The following MACF1 variants were observed in gnomAD, a reference collection of about 807,000 sequenced individuals.
MACF1 encodes the protein microtubule-actin cross-linking factor 1.
A neutral mutation model predicts 854.8 loss-of-function variants in MACF1; 193 were observed. The observed-to-expected ratio is 0.23, with a 90% confidence interval of 0.20 to 0.25. The LOEUF is 0.25. Ranked by LOEUF, MACF1 falls within the 10% of genes least tolerant of loss-of-function variation. The pLI, the probability that MACF1 is intolerant of heterozygous loss-of-function variation, is 1.00. For missense variants in MACF1, 7,722 were observed against 8,929.1 expected (o/e 0.86, Z 5.45); for synonymous variants, 3,185 against 3,226.7 (o/e 0.99, Z 0.44).
intron 52 of MACF1, chr1:39,373,072 C>T (rs541522085): frequency 3.0e-5 from 5 of 164,114 alleles, no homozygotes; most frequent in Admixed American, 1.3e-4. Context: ...TTTGGGAGGC[C>T]AAGGCAGGCG....
At chr1:39,199,070 C>T (rs1412851779) in intron 2 of MACF1, among the ~76,000 whole-genome samples, 1 of 151,964 alleles carries the variant, frequency 6.6e-6, no homozygotes, top group Non-Finnish European at 1.5e-5. Flanking sequence ...ACTGCAAGCT[C>T]TGCCTACCAG....
chr1:39,417,509 T>C (rs1423693034), intron 58 of MACF1, among the ~76,000 whole-genome samples: 1 of 152,008 alleles, frequency 6.6e-6, no homozygotes, highest in East Asian at 1.9e-4. Flanking sequence ...CTAACACCGT[T>C]TGTGTACAAG....
At chr1:39,361,910 A>G (rs2148520042) in intron 49 of MACF1, among the ~76,000 whole-genome samples, 1 of 152,314 alleles carries the variant, frequency 6.6e-6, no homozygotes, top group African/African-American at 2.4e-5. Context: ...CAGCAGGGCC[A>G]CTCAGTTCAT....
At position 39,204,898 on chromosome 1, in the gene MACF1, A is replaced by G; in HGVS notation, c.-125A>G. On this transcript the variant is annotated 5_prime_UTR_variant, in exon 1 of 101. Transcript: ENST00000564288. ...AGAAGCTGCCAGGAAGTTTCTGACA[A>G]CACTAAGCTCCGGCCTCTGCCTCTG... is the stretch of plus-strand genomic sequence containing the variant. 1.6e-6 allele frequency: 1 copy of G among 625,608 alleles called. No homozygotes were observed. Among genetic ancestry groups the G allele is most frequent in the Non-Finnish European group, 2.8e-6 (1 of 351,016 alleles). 38.8% of individuals were successfully genotyped at this position (625,608 alleles called of 1,614,324 possible).
intron 6 of MACF1, among the ~76,000 whole-genome samples, chr1:39,280,831 G>C (rs1283822565): frequency 6.6e-6 from 1 of 152,186 alleles, no homozygotes; most frequent in African/African-American, 2.4e-5. Flanking sequence ...GCCTGCCTCA[G>C]CCTCCCAAAG....
At chr1:39,197,999 A>G (rs1644342686) in intron 2 of MACF1, among the ~76,000 whole-genome samples, 1 of 152,104 alleles carries the variant, frequency 6.6e-6, no homozygotes, top group Non-Finnish European at 1.5e-5. Flanking sequence ...GGAGTTCGAG[A>G]CCAGCCTGGG....
At chr1:39,480,125 G>GT in intron 98 of MACF1, 116 bp downstream of exon 98, 1 of 912,244 alleles carries the variant, frequency 1.1e-6, no homozygotes. Flanking sequence ...ATGAAAACAT[G>GT]TTTTCTATTT....
At chr1:39,440,557 T>C (rs1274995278) in intron 72 of MACF1, among the ~76,000 whole-genome samples, 1 of 151,728 alleles carries the variant, frequency 6.6e-6, no homozygotes, top group African/African-American at 2.4e-5. Flanking sequence ...CTTGGGTCAA[T>C]ACCAATACAT....
chr1:39,212,370 G>T (rs1228758473), intron 1 of MACF1, among the ~76,000 whole-genome samples: 2 of 152,204 alleles, frequency 1.3e-5, no homozygotes, highest in East Asian at 1.9e-4. Flanking sequence ...GGGAAGGCCT[G>T]TCTCCTGTAG....
chr1:39,263,731 T>G (rs1282735959), intron 6 of MACF1, among the ~76,000 whole-genome samples: 1 of 151,860 alleles, frequency 6.6e-6, no homozygotes. Context: ...ACACACATAG[T>G]ATCTTTGGTA....
chr1:39,360,884 C>T lies in MACF1; in HGVS notation c.12336C>T (p.Val4112=). The T allele has an allele frequency of 6.2e-7, 1 of 1,613,928 alleles. No homozygotes were observed. Among genetic ancestry groups the T allele is most frequent in the South Asian group, 1.1e-5 (1 of 91,070 alleles). ...LQKAIAQSQS[V]QESLESLLQS... ...AAGCAATTGCCCAATCTCAGAGTGT[C>T]CAGGAAAGCCTGGAGAGCCTGTTGC... The change falls in exon 48 of 101, where the codon GTC becomes GTT. Residue 4112 remains valine (V), a synonymous_variant. Coordinates refer to ENST00000564288, the MANE Select transcript of MACF1 (RefSeq NM_001394062.1).
In MACF1 at chr1:39,105,295, C is replaced by T; in HGVS notation, c.220+20857C>T. 3.4e-6 allele frequency: 2 copies of T among 594,464 alleles called. No homozygotes were observed. Among genetic ancestry groups the T allele is most frequent in the Non-Finnish European group, 4.2e-6 (2 of 473,356 alleles). The allele number at this position is 594,464 out of a possible 1,614,324, so 36.8% of individuals were successfully genotyped here. A position where few individuals can be genotyped will look rare whatever the true frequency, so the allele number is the denominator to read the frequency against. On this transcript the variant is annotated intron_variant, in intron 2 of 93. Coordinates refer to the MACF1 transcript ENST00000361689. This position sits in a 1 kb window ranked among gnomAD's most constrained non-coding sequence, Gnocchi z 5.9. ...GCGGGGAGAGGGGGCGGGGAACGGG[C>T]CGGGCCTGGCGCTCCTGACAGGAGG...
At chr1:39,132,645 G>A (rs147191305) in intron 2 of MACF1, among the ~76,000 whole-genome samples, 34 of 152,232 alleles carry the variant, frequency 2.2e-4, no homozygotes, top group African/African-American at 7.7e-4. Flanking sequence ...GGGATGTGAT[G>A]TGATTCCTCC....
intron 52 of MACF1, among the ~76,000 whole-genome samples, chr1:39,376,164 G>T (rs1425579094): frequency 6.6e-6 from 1 of 152,146 alleles, no homozygotes; most frequent in Admixed American, 6.6e-5. Flanking sequence ...AGCATAATTG[G>T]TTTTATCTGG....
chr1:39,176,862 A>C (rs1644036582), intron 2 of MACF1, among the ~76,000 whole-genome samples: 1 of 152,158 alleles, frequency 6.6e-6, no homozygotes, highest in African/African-American at 2.4e-5. Flanking sequence ...TCCAAATCAC[A>C]TTGCTTGCTG....
chr1:39,411,937 G>A lies in MACF1; in HGVS notation c.15817-10437G>A, dbSNP rs748398272. 12 of 1,613,732 alleles carry A rather than the reference G, an allele frequency of 7.4e-6. No individual in the cohort carries two copies. In the East Asian group the frequency reaches 8.9e-5, roughly 12 times the overall value. On this transcript the variant is annotated intron_variant, in intron 58 of 100. Coordinates refer to ENST00000564288, the MANE Select transcript of MACF1 (RefSeq NM_001394062.1). ...TAATGCTGTGGAACTTATTGCCCAC[G>A]TTGATATCATGAGAGACACTTCCAC...
At chr1:39,172,391 T>C (rs1643962984) in intron 2 of MACF1, among the ~76,000 whole-genome samples, 1 of 152,188 alleles carries the variant, frequency 6.6e-6, no homozygotes, top group Non-Finnish European at 1.5e-5. Context: ...TGCCAGACAT[T>C]TGAAACTTGC....
chr1:39,126,851 C>T (rs984764015), intron 2 of MACF1, among the ~76,000 whole-genome samples: 4 of 152,022 alleles, frequency 2.6e-5, no homozygotes, highest in Admixed American at 1.3e-4. Flanking sequence ...CACTTTGTAA[C>T]CTGGACAGAG....
At chr1:39,297,779 GAGAA>G in intron 21 of MACF1, 34 bp downstream of exon 21, 11 of 1,611,424 alleles carry the variant, frequency 6.8e-6, no homozygotes, top group Non-Finnish European at 9.3e-6. Flanking sequence ...GATTACTTCT[GAGAA>G]AGAGAGTAAA....
Sources: allele counts gnomAD v4.1 joint callset (sites outside exome capture counted in the v4.1 genomes callset), GRCh38; gene constraint gnomAD v4.1.1; non-coding constraint Gnocchi (gnomAD v3.1); transcripts MANE v1.5; gene names NCBI Gene and HGNC (gene_info 2026-07-23, HGNC 2026-07-21).